GLB1L3: variants seen among roughly 807,000 people sequenced by gnomAD.
The protein encoded by GLB1L3 is galactosidase beta 1 like 3.
In GLB1L3, 89 loss-of-function variants were observed where a neutral mutation model predicts 89.5. The observed-to-expected ratio is 0.99, with a 90% confidence interval of 0.84 to 1.19. The LOEUF (loss-of-function observed/expected upper bound fraction) is 1.19, where lower values mean the gene tolerates loss of function less well. Among genes scored for constraint, GLB1L3 ranks in the 50% most tolerant of loss-of-function variants. The pLI, the probability that GLB1L3 is intolerant of heterozygous loss-of-function variation, is 0.00. For synonymous variants in GLB1L3, 314 were observed against 312.3 expected, an observed-to-expected ratio of 1.01 and a Z score of -0.06; for missense variants, 812 against 813.3, an observed-to-expected ratio of 1.00 and a Z score of 0.02.
At chr11:134,297,533 T>C (rs1460495950) in intron 9 of GLB1L3, among the ~76,000 whole-genome samples, 2 of 152,194 alleles carry the variant, frequency 1.3e-5, no homozygotes, top group East Asian at 1.9e-4. Flanking sequence ...TTATTACTTA[T>C]GTCAGTTTAA....
At position 134,309,688 on chromosome 11, in the gene GLB1L3, CA is replaced by C; in HGVS notation, c.1025del (p.His342LeufsTer9). ...GATCTCCTTCAATGTATATATGTTCCATGGTGGAACCAACTTTGGTTTCATG... is the reference window on the plus strand; with the variant it reads ...GATCTCCTTCAATGTATATATGTTCCTGGTGGAACCAACTTTGGTTTCATG... The part of the protein sequence containing the change: ...YEISFNVYMF[H>X]GGTNFGFMNG... On this transcript the variant is annotated frameshift_variant, in exon 11 of 20. Coordinates refer to ENST00000431683, the MANE Select transcript of GLB1L3 (RefSeq NM_001080407.3). LOFTEE classifies it high-confidence loss of function. The C allele has an allele frequency of 6.2e-7, 1 of 1,613,046 alleles. No individual in the cohort carries two copies. The highest frequency in any genetic ancestry group is 8.5e-7 in the Non-Finnish European group (1 of 1,179,462).
At chr11:134,282,354 G>A (rs369894394) in intron 5 of GLB1L3, among the ~76,000 whole-genome samples, 11 of 152,108 alleles carry the variant, frequency 7.2e-5, no homozygotes, top group South Asian at 2.1e-4. Flanking sequence ...AGCTCCAGAC[G>A]TTGGTCCTGG....
At chr11:134,288,587 G>A (rs1449474431) in intron 6 of GLB1L3, among the ~76,000 whole-genome samples, 1 of 152,142 alleles carries the variant, frequency 6.6e-6, no homozygotes, top group African/African-American at 2.4e-5. Context: ...TGGCAGTTAC[G>A]TACTGTAACG....
At position 134,318,708 on chromosome 11, in the gene GLB1L3, G is replaced by C; in HGVS notation, c.1857G>C (p.Leu619=). 1 of 1,612,794 alleles carries C rather than the reference G, an allele frequency of 6.2e-7. No homozygotes were observed. Among genetic ancestry groups the C allele is most frequent in the Middle Eastern group, 1.7e-4 (1 of 6,060 alleles). The change falls in exon 19 of 20, where the codon CTG becomes CTC. Residue 619 remains leucine (L), a synonymous_variant. Coordinates refer to ENST00000431683, the MANE Select transcript of GLB1L3 (RefSeq NM_001080407.3). ...GGAATATTGGGCCTCAGAAAACACT[G>C]TACCTTCCTGGAGTTTGGCTTCATC... ...RYWNIGPQKT[L]YLPGVWLHPE...
chr11:134,316,518 T>A (rs887236275), intron 18 of GLB1L3, among the ~76,000 whole-genome samples: 5 of 152,186 alleles, frequency 3.3e-5, no homozygotes, highest in African/African-American at 1.2e-4. Context: ...CTATAAATTC[T>A]ATCTAAAAAA....
chr11:134,299,861 C>T (rs1941850689), intron 9 of GLB1L3, among the ~76,000 whole-genome samples: 1 of 152,126 alleles, frequency 6.6e-6, no homozygotes, highest in Admixed American at 6.5e-5. Context: ...TGTGTTCCTC[C>T]TTTCCCAAGG....
chr11:134,302,130 G>A (rs1373055358), intron 9 of GLB1L3, among the ~76,000 whole-genome samples: 1 of 152,104 alleles, frequency 6.6e-6, no homozygotes, highest in Non-Finnish European at 1.5e-5. Context: ...AGTTTACTTG[G>A]TTTCCAGCCA....
In GLB1L3 at chr11:134,314,391, G is replaced by A; in HGVS notation, c.1729G>A (p.Gly577Arg). 1 of 1,551,644 alleles carries A rather than the reference G, an allele frequency of 6.4e-7. No homozygotes were observed. Among genetic ancestry groups the A allele is most frequent in the Non-Finnish European group, 8.7e-7 (1 of 1,147,004 alleles). The change falls in exon 18 of 20, where the codon GGG (glycine) becomes AGG (arginine). Residue 577 changes from glycine (G) to arginine (R), a missense_variant. Physicochemically the swap from Gly to Arg is moderately radical, Grantham distance 125 (BLOSUM62 -2). Coordinates refer to ENST00000431683, the MANE Select transcript of GLB1L3 (RefSeq NM_001080407.3). Reference protein sequence around the residue: ...DSHQGPAFYCGTLKAGPSPKD... With the variant: ...DSHQGPAFYCRTLKAGPSPKD... Reference sequence around the variant, plus strand: ...CCACCAGGGCCCGGCCTTCTACTGTGGGACCTTGAAGGCTGGCCCTTCTCC... The same window carrying A: ...CCACCAGGGCCCGGCCTTCTACTGTAGGACCTTGAAGGCTGGCCCTTCTCC...
At chr11:134,287,362 C>T (rs1398113364) in intron 6 of GLB1L3, 5 of 152,206 alleles carry the variant, frequency 3.3e-5, no homozygotes, top group Non-Finnish European at 5.9e-5. Flanking sequence ...CCTCGCATAC[C>T]TTGCACTAAT....
the GLB1L3 span, among the ~76,000 whole-genome samples, chr11:134,324,584 T>C: frequency 2.0e-5 from 3 of 152,314 alleles, no homozygotes; most frequent in East Asian, 5.8e-4. Context: ...TATCGTTTTT[T>C]CTTTGTACCT....
intron 10 of GLB1L3, among the ~76,000 whole-genome samples, chr11:134,308,484 CACCATCACCACCAAAT>C (rs1942483479): frequency 2.6e-4 from 2 of 7,564 alleles, no homozygotes; most frequent in Non-Finnish European, 6.1e-4. Flanking sequence ...ATACCACCAC[CACCATCACCACCAAAT>C]ACCACCACCA....
At position 134,277,859 on chromosome 11, in the gene GLB1L3, C is replaced by A. The variant is rs754370080; in HGVS notation, c.309C>A (p.Tyr103Ter). The A allele has an allele frequency of 6.2e-7, 1 of 1,614,084 alleles. No individual in the cohort carries two copies. Among genetic ancestry groups the A allele is most frequent in the Non-Finnish European group, 8.5e-7 (1 of 1,180,004 alleles). ...SIHYFRVPRE[Y>*]WRDRLLKLKA... ...ACTATTTCCGGGTGCCCAGGGAGTA[C>A]TGGAGGGACCGCCTGCTGAAGCTGA... The change falls in exon 3 of 20, where the codon TAC becomes TAA. Residue 103 changes from tyrosine to a stop codon, truncating the protein, a stop_gained. Transcript: ENST00000431683. LOFTEE classifies it high-confidence loss of function.
chr11:134,290,275 G>T (rs1050761216), intron 7 of GLB1L3, among the ~76,000 whole-genome samples: 1 of 152,082 alleles, frequency 6.6e-6, no homozygotes, highest in African/African-American at 2.4e-5. Context: ...ATTTGTTTTT[G>T]ATTTTAAAAT....
In GLB1L3 at chr11:134,310,578, T is replaced by C. The variant is rs768358974; in HGVS notation, c.1107T>C (p.Asp369=). ...GGCCCTGGTGTCTTGCAGACTATGATGCAGTGCTCACGGAGGCTGGAGATT... is the reference window on the plus strand; with the variant it reads ...GGCCCTGGTGTCTTGCAGACTATGACGCAGTGCTCACGGAGGCTGGAGATT... The part of the protein sequence containing the change: ...HSGIVTSYDY[D]AVLTEAGDYT... Residue 369 remains aspartate (D), a synonymous_variant, in exon 12 of 20, where the codon GAT becomes GAC. Transcript: ENST00000431683. The C allele has an allele frequency of 2.5e-6, 4 of 1,612,480 alleles. No individual in the cohort carries two copies. In the Admixed American group the frequency reaches 5.0e-5, roughly 20 times the overall value.
At chr11:134,315,914 T>C (rs1159118843) in intron 18 of GLB1L3, among the ~76,000 whole-genome samples, 1 of 152,206 alleles carries the variant, frequency 6.6e-6, no homozygotes, top group East Asian at 1.9e-4. Flanking sequence ...TATATGAATT[T>C]AGGTTATTAA....
rs569750798 is a variant in GLB1L3 at position 134,305,422 on chromosome 11, C to T, written c.877-1702C>T. 2.8e-5 allele frequency: 10 copies of T among 353,844 alleles called. No individual in the cohort carries two copies. The Admixed American group carries it at 4.2e-4, about 15-fold the overall frequency. The allele number at this position is 353,844 out of a possible 1,614,324, so 21.9% of individuals were successfully genotyped here. A position where few individuals can be genotyped will look rare whatever the true frequency, so the allele number is the denominator to read the frequency against. On this transcript the variant is annotated intron_variant, in intron 9 of 19. Coordinates refer to ENST00000431683, the MANE Select transcript of GLB1L3 (RefSeq NM_001080407.3). ...TTGAACCCCTGATAGACCTTCAATG[C>T]TTTTGCGCTTCTTCCTCCTCATTTA...
chr11:134,311,206 A>C (rs1299091632), intron 13 of GLB1L3, 36 bp downstream of exon 13: 1 of 1,465,872 alleles, frequency 6.8e-7, no homozygotes. Flanking sequence ...CGGAGTGGCC[A>C]TTGGAGGGAT....
intron 3 of GLB1L3, among the ~76,000 whole-genome samples, chr11:134,279,047 A>C (rs1591529143): frequency 6.6e-6 from 1 of 152,356 alleles, no homozygotes; most frequent in South Asian, 2.1e-4. Flanking sequence ...TTATAAGCAA[A>C]ACGGATTTAA....
chr11:134,293,077 C>T (rs948523957), intron 8 of GLB1L3, 68 bp from the exon 9 acceptor site: 8 of 1,305,592 alleles, frequency 6.1e-6, no homozygotes, highest in East Asian at 2.3e-5. Flanking sequence ...GGGCCGGGGG[C>T]GCATTCCTTC....
Sources: gnomAD v4.1 joint callset for allele counts (sites outside exome capture counted in the v4.1 genomes callset) on GRCh38, gnomAD v4.1.1 for gene constraint, MANE v1.5 for transcripts, NCBI Gene and HGNC (gene_info 2026-07-23, HGNC 2026-07-21) for gene names.